Variants in OPHN1 observed in about 807,000 individuals in gnomAD.
OPHN1 encodes oligophrenin-1.
A neutral mutation model predicts 60.7 loss-of-function variants in OPHN1; 11 were observed. That is an observed-to-expected ratio of 0.18 (90% CI 0.11 to 0.30). The LOEUF (loss-of-function observed/expected upper bound fraction) is 0.30, where lower values mean the gene tolerates loss of function less well. OPHN1 is among the 10% of genes least tolerant of loss of function. The probability of loss-of-function intolerance (pLI) is 1.00; values close to 1 mark genes in which losing one functional copy is unlikely to be tolerated. For missense variants in OPHN1, 449 were observed against 611.0 expected (o/e 0.73, Z 2.80); for synonymous variants, 226 against 222.6 (o/e 1.02, Z -0.14).
chrX:68,272,531 A>G (rs971179717), intron 5 of OPHN1, among the ~76,000 whole-genome samples: 1 of 112,421 alleles, frequency 8.9e-6, no homozygotes, highest in African/African-American at 3.2e-5. Flanking sequence ...TATGCTTTAT[A>G]TGTTTAGATA....
chrX:68,391,979 T>C (rs1229655863), intron 2 of OPHN1, among the ~76,000 whole-genome samples: 1 of 112,212 alleles, frequency 8.9e-6, no homozygotes, highest in African/African-American at 3.2e-5. Context: ...TCAGATAATA[T>C]GTGCATGCTT....
intron 15 of OPHN1, among the ~76,000 whole-genome samples, chrX:68,168,522 A>G (rs922616672): frequency 1.8e-5 from 2 of 110,975 alleles, no homozygotes; most frequent in Admixed American, 9.6e-5. Context: ...AGGTAAATTT[A>G]TAGCACTAAA....
At chrX:68,122,317 T>C (rs907683399) in intron 15 of OPHN1, among the ~76,000 whole-genome samples, 2 of 111,599 alleles carry the variant, frequency 1.8e-5, no homozygotes, top group Non-Finnish European at 3.8e-5. Flanking sequence ...AATGCAGATA[T>C]GGATTGGATG....
At chrX:68,171,970 G>A (rs1008405279) in intron 15 of OPHN1, among the ~76,000 whole-genome samples, 45 of 110,963 alleles carry the variant, frequency 4.1e-4, no homozygotes, top group African/African-American at 1.3e-3. Context: ...AATAATGAAC[G>A]TTGGTGAGGA....
At chrX:68,122,564 T>C (rs1234680131) in intron 15 of OPHN1, among the ~76,000 whole-genome samples, 2 of 110,865 alleles carry the variant, frequency 1.8e-5, no homozygotes, top group Admixed American at 9.6e-5. Context: ...GAAATCAAAA[T>C]AGCTATTTTG....
intron 2 of OPHN1, among the ~76,000 whole-genome samples, chrX:68,366,049 T>C (rs2147723872): frequency 9.2e-6 from 1 of 109,214 alleles, no homozygotes; most frequent in Non-Finnish European, 1.9e-5. Flanking sequence ...CTAACACACC[T>C]ACAACAGTGA....
intron 3 of OPHN1, among the ~76,000 whole-genome samples, chrX:68,294,342 G>A (rs1012454299): frequency 9.2e-6 from 1 of 108,146 alleles, no homozygotes; most frequent in Admixed American, 1.0e-4. Flanking sequence ...ATGTATTTAC[G>A]CATGCCTGTA....
intron 3 of OPHN1, among the ~76,000 whole-genome samples, chrX:68,286,911 A>C (rs1156844993): frequency 9.2e-6 from 1 of 108,728 alleles, no homozygotes; most frequent in Non-Finnish European, 1.9e-5. Context: ...GCTACTCAGG[A>C]GGCTGAGGCA....
In OPHN1 at chrX:68,334,971, G is replaced by T. The variant is rs756391110; in HGVS notation, c.155-35875C>A. 3.3e-4 allele frequency among the ~76,000 whole-genome samples: 36 copies of T among 108,223 alleles called. 1 individual carries two copies. In the South Asian group the frequency reaches 0.014, roughly 43 times the overall value. 94.0% of individuals were successfully genotyped at this position (108,223 alleles called of 115,157 possible). On this transcript the variant is annotated intron_variant, in intron 2 of 24. Transcript: ENST00000355520. Reference sequence around the variant, plus strand: ...AGCTTGGGCGACAGAATAAGACCCTGTCTCAATTAATTAATTAATTAATTA... The same window carrying T: ...AGCTTGGGCGACAGAATAAGACCCTTTCTCAATTAATTAATTAATTAATTA...
At chrX:68,109,539 G>T (rs1339107875) in intron 18 of OPHN1, among the ~76,000 whole-genome samples, 3 of 111,491 alleles carry the variant, frequency 2.7e-5, no homozygotes, top group African/African-American at 9.8e-5. Context: ...ATATACCTAG[G>T]AGTGGAGTTG....
At chrX:68,208,374 G>A (rs193055260) in intron 9 of OPHN1, among the ~76,000 whole-genome samples, 8 of 112,016 alleles carry the variant, frequency 7.1e-5, no homozygotes, top group Admixed American at 4.8e-4. Context: ...ACAGGCATGA[G>A]CCACTGTGCC....
At chrX:68,056,185 C>T (rs2076872480) in intron 21 of OPHN1, among the ~76,000 whole-genome samples, 2 of 111,274 alleles carry the variant, frequency 1.8e-5, no homozygotes, top group South Asian at 7.6e-4. Flanking sequence ...GCCTAGTATA[C>T]AGCAGAGGTA....
chrX:68,079,367 A>C (rs1410205428), intron 19 of OPHN1, among the ~76,000 whole-genome samples: 5 of 109,462 alleles, frequency 4.6e-5, no homozygotes, highest in Non-Finnish European at 7.6e-5. Context: ...TGCCCACATC[A>C]CTCCTCTGTA....
rs370819260 is a variant in OPHN1, at chrX:68,279,268, G to A, written c.312+3788C>T. 1.2e-4 allele frequency among the ~76,000 whole-genome samples: 13 copies of A among 105,016 alleles called. 1 individual carries two copies. In the South Asian group the frequency reaches 3.7e-3, roughly 30 times the overall value. The allele number at this position is 105,016 out of a possible 115,157, so 91.2% of individuals were successfully genotyped here. A position where few individuals can be genotyped will look rare whatever the true frequency, so the allele number is the denominator to read the frequency against. ...GCTGGGACTAGAGATGCACGATAAC[G>A]CCCAGCTAATTTTTGTATTTTTAGT... is the stretch of plus-strand genomic sequence containing the variant. On this transcript the variant is annotated intron_variant, in intron 4 of 24. Coordinates refer to ENST00000355520, the MANE Select transcript of OPHN1 (RefSeq NM_002547.3).
At position 68,221,950 on chromosome X, in the gene OPHN1, C is replaced by T. The variant is rs1468156249; in HGVS notation, c.487-7978G>A. 3.8e-5 allele frequency among the ~76,000 whole-genome samples: 4 copies of T among 105,317 alleles called. No homozygotes were observed. In the East Asian group the frequency reaches 1.2e-3, roughly 32 times the overall value. 91.5% of individuals were successfully genotyped at this position (105,317 alleles called of 115,157 possible). ...AATGGGATCTAATTAAACTAAAGAG[C>T]TTCTGCACAGCAAAAGAAACTACCA... On this transcript the variant is annotated intron_variant, in intron 6 of 24. Coordinates refer to ENST00000355520, the MANE Select transcript of OPHN1 (RefSeq NM_002547.3).
At chrX:68,330,929 T>G (rs181720313) in intron 2 of OPHN1, among the ~76,000 whole-genome samples, 1,269 of 105,898 alleles carry the variant, frequency 0.012, 18 homozygotes, top group Middle Eastern at 0.038. Flanking sequence ...CATATTAATA[T>G]ATTTAAATAT....
intron 18 of OPHN1, among the ~76,000 whole-genome samples, chrX:68,101,049 T>G (rs989348718): frequency 9.0e-6 from 1 of 111,673 alleles, no homozygotes; most frequent in Non-Finnish European, 1.9e-5. Context: ...CCCAGCGAAA[T>G]GGTGCCTTTT....
chrX:68,346,287 A>G (rs1302361737), intron 2 of OPHN1, among the ~76,000 whole-genome samples: 2 of 112,183 alleles, frequency 1.8e-5, no homozygotes, highest in Non-Finnish European at 3.8e-5. Flanking sequence ...GCACTGAATG[A>G]AAACACAGTT....
chrX:68,401,752 T>C (rs2078715651), intron 2 of OPHN1, among the ~76,000 whole-genome samples: 1 of 111,311 alleles, frequency 9.0e-6, no homozygotes, highest in Admixed American at 9.6e-5. Context: ...CAGACTTCAA[T>C]AAACAGAGAT....
Sources: allele counts gnomAD v4.1 joint callset (sites outside exome capture counted in the v4.1 genomes callset), GRCh38; gene constraint gnomAD v4.1.1; transcripts MANE v1.5; gene names NCBI Gene and HGNC (gene_info 2026-07-23, HGNC 2026-07-21).